CPOX: variants seen among roughly 807,000 people sequenced by gnomAD.
The protein encoded by CPOX is coproporphyrinogen oxidase, also known as oxygen-dependent coproporphyrinogen-III oxidase, mitochondrial.
In CPOX, 24 loss-of-function variants were observed where a neutral mutation model predicts 48.9. That is an observed-to-expected ratio of 0.49 (90% CI 0.36 to 0.69). CPOX has a LOEUF of 0.69. Ranked by LOEUF, CPOX falls within the 30% of genes least tolerant of loss-of-function variation. CPOX has a pLI of 0.00. For missense variants in CPOX, 549 were observed against 597.3 expected, an observed-to-expected ratio of 0.92 and a Z score of 0.84; for synonymous variants, 249 against 234.6, an observed-to-expected ratio of 1.06 and a Z score of -0.56.
At chr3:98,592,654 T>G (rs989100152) in intron 1 of CPOX, among the ~76,000 whole-genome samples, 9 of 152,126 alleles carry the variant, frequency 5.9e-5, no homozygotes, top group Admixed American at 3.9e-4. Context: ...ACATCTAAGC[T>G]TGTTAGCTGC....
chr3:98,576,964 C>A (rs747619306), downstream of CPOX, among the ~76,000 whole-genome samples: 22 of 152,044 alleles, frequency 1.4e-4, no homozygotes, highest in Non-Finnish European at 2.9e-4. Context: ...GATTGAATGA[C>A]TGTAAATGGA....
chr3:98,577,212 A>C (rs577962647), downstream of CPOX, among the ~76,000 whole-genome samples: 10 of 152,254 alleles, frequency 6.6e-5, no homozygotes, highest in South Asian at 2.1e-3. Context: ...GCACAGAGAA[A>C]TGTAGAAGAT....
At chr3:98,590,309 A>G (rs982329191) in intron 3 of CPOX, among the ~76,000 whole-genome samples, 5 of 152,342 alleles carry the variant, frequency 3.3e-5, no homozygotes, top group Admixed American at 2.6e-4. Context: ...CAGCACGCCC[A>G]GCTAAGTTTT....
intron 1 of CPOX, 119 bp downstream of exon 1, chr3:98,592,830 C>T (rs1707505654): frequency 2.6e-6 from 3 of 1,140,744 alleles, no homozygotes; most frequent in Admixed American, 2.0e-5. Context: ...AGCGGCCTCT[C>T]TGTGGGTACC....
rs946895747 is a variant in CPOX, at chr3:98,582,553, C to T, written c.1173-1042G>A. Among the ~76,000 whole-genome samples the T allele has an allele frequency of 2.7e-5, 4 of 150,906 alleles. 1 individual carries two copies. Among genetic ancestry groups the T allele is most frequent in the Middle Eastern group, 6.4e-3 (2 of 312 alleles). On this transcript the variant is annotated intron_variant, in intron 5 of 6. Transcript: ENST00000647941. ...TGTTGCCCAGGCTGGAGTGCAGTGG[C>T]GCAATCTCAGCTCACTGCAAGCTCC...
chr3:98,579,714 T>C lies in CPOX; in HGVS notation c.*969A>G, dbSNP rs1707215037. On this transcript the variant is annotated 3_prime_UTR_variant, in exon 7 of 7. Transcript: ENST00000647941. ...GCAAAGAGCTGCAGAATCTCTAATA[T>C]AAAAAAGAGGACATTTTCAATGTGT... 17 of 985,304 alleles carry C rather than the reference T, an allele frequency of 1.7e-5. No homozygotes were observed. The highest frequency in any genetic ancestry group is 1.9e-5 in the Non-Finnish European group (16 of 829,772). 61.0% of individuals were successfully genotyped at this position (985,304 alleles called of 1,614,324 possible).
At chr3:98,582,112 G>A (rs367568460) in intron 5 of CPOX, among the ~76,000 whole-genome samples, 1 of 152,050 alleles carries the variant, frequency 6.6e-6, no homozygotes, top group South Asian at 2.1e-4. Flanking sequence ...CATAATAAAA[G>A]GTAGTGTTGA....
At chr3:98,582,863 AT>A (rs1707287732) in intron 5 of CPOX, among the ~76,000 whole-genome samples, 1 of 152,330 alleles carries the variant, frequency 6.6e-6, no homozygotes, top group Non-Finnish European at 1.5e-5. Flanking sequence ...AGTGTAAAGA[AT>A]TTTATCTATG....
intron 5 of CPOX, among the ~76,000 whole-genome samples, chr3:98,584,034 C>A (rs1423188275): frequency 6.6e-6 from 1 of 152,168 alleles, no homozygotes; most frequent in African/African-American, 2.4e-5. Flanking sequence ...CAACGACTTT[C>A]AGAATGATCT....
At chr3:98,581,333 T>C in intron 6 of CPOX, 74 bp downstream of exon 6, 1 of 1,090,436 alleles carries the variant, frequency 9.2e-7, no homozygotes, top group East Asian at 2.4e-5. Context: ...ATCTGCAGTG[T>C]TAACTTTCAT....
At chr3:98,578,235 T>A, downstream of CPOX, 1 of 970,856 alleles carries the variant, frequency 1.0e-6, no homozygotes, top group Non-Finnish European at 1.2e-6. Context: ...TCAGACATAG[T>A]CTAATCCATA....
chr3:98,592,021 G>A (rs527478436), intron 1 of CPOX, among the ~76,000 whole-genome samples: 1 of 150,112 alleles, frequency 6.7e-6, no homozygotes, highest in East Asian at 2.0e-4. Context: ...GTAGTATGAG[G>A]ATTAAAAGAG....
Position 98,580,310 on chromosome 3 carries a change from T to G in CPOX, c.*373A>C. 3.0e-6 allele frequency: 3 copies of G among 1,010,996 alleles called. No individual in the cohort carries two copies. The highest frequency in any genetic ancestry group is 2.4e-6 in the Non-Finnish European group (2 of 845,124). 62.6% of individuals were successfully genotyped at this position (1,010,996 alleles called of 1,614,324 possible). ...AATAAAATATATTCCACGACAGATT[T>G]TTGTGGCACAAATGAAAACTTTAAA... On this transcript the variant is annotated 3_prime_UTR_variant, in exon 7 of 7. Coordinates refer to ENST00000647941, the MANE Select transcript of CPOX (RefSeq NM_000097.7).
chr3:98,591,205 C>T (rs1313210972), intron 1 of CPOX, 50 bp from the exon 2 acceptor site: 3 of 1,594,284 alleles, frequency 1.9e-6, no homozygotes, highest in African/African-American at 1.3e-5. Context: ...ATGTGCAAAA[C>T]TGAAAGCAAC....
chr3:98,579,570 G>T lies in CPOX; in HGVS notation c.*1113C>A. The stretch of plus-strand genomic sequence containing the variant: ...AACATTCAACGTGTTCCACGATAAT[G>T]ATATGTATGAGATGCTCTTCCTTAT... On this transcript the variant is annotated 3_prime_UTR_variant, in exon 7 of 7. Transcript: ENST00000647941. 1 of 985,366 alleles carries T rather than the reference G, an allele frequency of 1.0e-6. No individual in the cohort carries two copies. Among genetic ancestry groups the T allele is most frequent in the Non-Finnish European group, 1.2e-6 (1 of 829,860 alleles). The allele number at this position is 985,366 out of a possible 1,614,324, so 61.0% of individuals were successfully genotyped here.
intron 5 of CPOX, among the ~76,000 whole-genome samples, chr3:98,582,770 C>T (rs572998229): frequency 2.6e-5 from 4 of 152,266 alleles, no homozygotes; most frequent in South Asian, 2.1e-4. Context: ...GGATTACAGG[C>T]GTGAGCCACC....
intron 4 of CPOX, among the ~76,000 whole-genome samples, chr3:98,588,014 G>T (rs774974874): frequency 6.6e-6 from 1 of 152,136 alleles, no homozygotes; most frequent in African/African-American, 2.4e-5. Flanking sequence ...CTTTCCTGAC[G>T]ATTTTAAAGC....
Position 98,581,531 on chromosome 3 carries a change from T to A in CPOX, c.1173-20A>T. Reference sequence around the variant, plus strand: ...ACATACCTGCCATAAATACATCAAATAACATTAAGGGCCAGCTCAATAAAA... The same window carrying A: ...ACATACCTGCCATAAATACATCAAAAAACATTAAGGGCCAGCTCAATAAAA... On this transcript the variant is annotated intron_variant, in intron 5 of 6. Transcript: ENST00000647941. 1 of 1,561,700 alleles carries A rather than the reference T, an allele frequency of 6.4e-7. No homozygotes were observed. Among genetic ancestry groups the A allele is most frequent in the Non-Finnish European group, 8.8e-7 (1 of 1,132,444 alleles).
chr3:98,581,415 T>C lies in CPOX; in HGVS notation c.1269A>G (p.Leu423=). The part of the protein sequence containing the change: ...RIESILMSLP[L]TARWEYMHSP... The stretch of plus-strand genomic sequence containing the variant: ...ATGAGTTATCTCCTTACCGGGCAGT[T>C]AGAGGTAAAGACATCAAGATACTTT... The change falls in exon 6 of 7, where the codon CTA becomes CTG. Residue 423 remains leucine (L), a synonymous_variant. Coordinates refer to ENST00000647941, the MANE Select transcript of CPOX (RefSeq NM_000097.7). 1 of 1,612,132 alleles carries C rather than the reference T, an allele frequency of 6.2e-7. No homozygotes were observed. Among genetic ancestry groups the C allele is most frequent in the Non-Finnish European group, 8.5e-7 (1 of 1,178,334 alleles).
Sources: gnomAD v4.1 joint callset for allele counts (sites outside exome capture counted in the v4.1 genomes callset) on GRCh38, gnomAD v4.1.1 for gene constraint, MANE v1.5 for transcripts, NCBI Gene and HGNC (gene_info 2026-07-23, HGNC 2026-07-21) for gene names.